Variants in CCDC47 observed in about 807,000 individuals in gnomAD.
CCDC47 encodes the protein coiled-coil domain containing 47, also known as PAT complex subunit CCDC47.
A neutral mutation model predicts 60.5 loss-of-function variants in CCDC47; 41 were observed. That is an observed-to-expected ratio of 0.68 (90% CI 0.53 to 0.88). CCDC47 has a LOEUF of 0.88. Among genes scored for constraint, CCDC47 ranks in the 40% least tolerant of loss-of-function variants. CCDC47 has a pLI of 0.00. For missense variants in CCDC47, 513 were observed against 580.9 expected, an observed-to-expected ratio of 0.88 and a Z score of 1.20; for synonymous variants, 195 against 190.7, an observed-to-expected ratio of 1.02 and a Z score of -0.18.
At chr17:63,763,022 A>G (rs1353618754) in intron 4 of CCDC47, among the ~76,000 whole-genome samples, 3 of 152,104 alleles carry the variant, frequency 2.0e-5, no homozygotes, top group African/African-American at 7.2e-5. Context: ...CCTGAGCTCA[A>G]TTCTCCCACC....
At chr17:63,747,778 C>T in intron 12 of CCDC47, 1 of 985,328 alleles carries the variant, frequency 1.0e-6, no homozygotes, top group Non-Finnish European at 1.2e-6. Context: ...ATATATAGTT[C>T]TTCATAGTGC....
chr17:63,745,348 A>G lies in CCDC47; in HGVS notation c.*1533T>C, dbSNP rs1384062406. On this transcript the variant is annotated 3_prime_UTR_variant, in exon 13 of 13. Transcript: ENST00000225726. Reference sequence around the variant, plus strand: ...CCATGGTCCAAATGTATGGGACTTTAGGAAAGCTTTTCTTACTCAAAAGAT... The same window carrying G: ...CCATGGTCCAAATGTATGGGACTTTGGGAAAGCTTTTCTTACTCAAAAGAT... 6.6e-6 allele frequency: 1 copy of G among 152,626 alleles called. No homozygotes were observed. Among genetic ancestry groups the G allele is most frequent in the Non-Finnish European group, 1.5e-5 (1 of 68,024 alleles). The allele number at this position is 152,626 out of a possible 1,614,324, so 9.5% of individuals were successfully genotyped here.
chr17:63,760,808 C>A lies in CCDC47; in HGVS notation c.735+106G>T, dbSNP rs1472444422. The stretch of plus-strand genomic sequence containing the variant: ...GAGCCAAGATCATGCCATTGCACTC[C>A]AGCCTGAGCAACAGAGTGAGACTCC... On this transcript the variant is annotated intron_variant, in intron 6 of 12. Transcript: ENST00000225726. 7 of 785,726 alleles carry A rather than the reference C, an allele frequency of 8.9e-6. No homozygotes were observed. In the African/African-American group the frequency reaches 9.1e-5, roughly 10 times the overall value. 48.7% of individuals were successfully genotyped at this position (785,726 alleles called of 1,614,324 possible). A position where few individuals can be genotyped will look rare whatever the true frequency, so the allele number is the denominator to read the frequency against.
intron 10 of CCDC47, 53 bp from the exon 11 acceptor site, chr17:63,752,482 C>G: frequency 2.4e-6 from 3 of 1,233,482 alleles, no homozygotes; most frequent in Non-Finnish European, 3.4e-6. Flanking sequence ...TTAATATTTC[C>G]AGGTCACCCA....
chr17:63,753,734 A>G (rs2039183931), intron 9 of CCDC47: 5 of 485,352 alleles, frequency 1.0e-5, no homozygotes, highest in African/African-American at 2.1e-5. Flanking sequence ...GAAGCCAGAA[A>G]AGGCCATAAA....
chr17:63,761,071 A>G (rs1294998750), intron 5 of CCDC47, 92 bp from the exon 6 acceptor site: 1 of 1,380,542 alleles, frequency 7.2e-7, no homozygotes, highest in African/African-American at 1.5e-5. Context: ...GCTTCATCAA[A>G]TATACTTTAC....
Position 63,766,310 on chromosome 17 carries a change from A to G in CCDC47, c.-19-116T>C, listed in dbSNP as rs1048607059. On this transcript the variant is annotated intron_variant, in intron 1 of 12. Transcript: ENST00000225726. Reference sequence around the variant, plus strand: ...CTTTTCTCTTATTTGGTACTATTAGATTCAGACCACATTATATAAAGAACA... The same window carrying G: ...CTTTTCTCTTATTTGGTACTATTAGGTTCAGACCACATTATATAAAGAACA... 5.2e-6 allele frequency: 5 copies of G among 958,704 alleles called. 1 individual carries two copies. Among genetic ancestry groups the G allele is most frequent in the Non-Finnish European group, 1.5e-6 (1 of 672,540 alleles). 59.4% of individuals were successfully genotyped at this position (958,704 alleles called of 1,614,324 possible). A position where few individuals can be genotyped will look rare whatever the true frequency, so the allele number is the denominator to read the frequency against.
At chr17:63,757,177 A>G (rs4968662) in intron 6 of CCDC47, among the ~76,000 whole-genome samples, 100,215 of 145,044 alleles carry the variant, frequency 0.69, 35,938 homozygotes, top group African/African-American at 0.9. Context: ...CCTAGGCAAC[A>G]TAATGGGACC....
chr17:63,760,302 T>C (rs1367401723), intron 6 of CCDC47, among the ~76,000 whole-genome samples: 1 of 152,170 alleles, frequency 6.6e-6, no homozygotes, highest in Non-Finnish European at 1.5e-5. Flanking sequence ...AAGTTACCCA[T>C]GAGGGCCATT....
At position 63,766,032 on chromosome 17, in the gene CCDC47, G is replaced by A; in HGVS notation, c.144C>T (p.Asp48=). The part of the protein sequence containing the change: ...DFAEFEDVME[D]SVTESPQRVI... Reference sequence around the variant, plus strand: ...CCCGTTGAGGAGATTCAGTAACAGAGTCTTCCATGACATCCTCAAATTCAG... The same window carrying A: ...CCCGTTGAGGAGATTCAGTAACAGAATCTTCCATGACATCCTCAAATTCAG... Residue 48 remains aspartate, a synonymous_variant, in exon 2 of 13, where the codon GAC becomes GAT. Coordinates refer to ENST00000225726, the MANE Select transcript of CCDC47 (RefSeq NM_020198.3). 1 of 1,614,012 alleles carries A rather than the reference G, an allele frequency of 6.2e-7. No individual in the cohort carries two copies. The highest frequency in any genetic ancestry group is 8.5e-7 in the Non-Finnish European group (1 of 1,179,980).
intron 4 of CCDC47, 166 bp from the exon 5 acceptor site, chr17:63,761,517 TA>T (rs11429720): frequency 0.047 from 9,089 of 191,816 alleles, no homozygotes; most frequent in Middle Eastern, 0.083. Flanking sequence ...CTGTCCCTAC[TA>T]AAAAAAAAAA....
chr17:63,770,526 G>A (rs763735867), intron 1 of CCDC47, among the ~76,000 whole-genome samples: 2 of 152,164 alleles, frequency 1.3e-5, no homozygotes, highest in African/African-American at 2.4e-5. Context: ...GAGTATTAAC[G>A]GAAGTGAGAG....
At chr17:63,762,977 A>G (rs2039271661) in intron 4 of CCDC47, among the ~76,000 whole-genome samples, 1 of 152,204 alleles carries the variant, frequency 6.6e-6, no homozygotes, top group South Asian at 2.1e-4. Flanking sequence ...GCTGGAGTGC[A>G]GGAGCATGAT....
intron 4 of CCDC47, chr17:63,761,843 T>C: frequency 1.0e-6 from 1 of 971,580 alleles, no homozygotes; most frequent in Non-Finnish European, 1.2e-6. Context: ...TTCGTTTTAC[T>C]TTTAAAACTA....
intron 6 of CCDC47, among the ~76,000 whole-genome samples, chr17:63,759,104 G>T (rs1256410966): frequency 6.6e-6 from 1 of 151,846 alleles, no homozygotes; most frequent in Non-Finnish European, 1.5e-5. Context: ...AACTGATAGG[G>T]TTCTAAATTT....
In CCDC47 at chr17:63,761,854, T is replaced by C. The variant is rs564675630; in HGVS notation, c.548-503A>G. On this transcript the variant is annotated intron_variant, in intron 4 of 12. Transcript: ENST00000225726. ...ACTGTTCGTTTTACTTTTAAAACTA[T>C]TGTCTGTATTAGAAGAAATATGGAT... is the stretch of plus-strand genomic sequence containing the variant. The C allele has an allele frequency of 8.4e-6, 8 of 953,072 alleles. No individual in the cohort carries two copies. The Admixed American group carries it at 1.8e-4, about 22-fold the overall frequency. The allele number at this position is 953,072 out of a possible 1,614,324, so 59.0% of individuals were successfully genotyped here.
chr17:63,753,904 G>A (rs1194910547), intron 9 of CCDC47, among the ~76,000 whole-genome samples: 2 of 152,062 alleles, frequency 1.3e-5, no homozygotes, highest in Non-Finnish European at 2.9e-5. Context: ...TCAGGAGTTC[G>A]AGACCAGCCT....
intron 2 of CCDC47, chr17:63,765,120 C>CCACACACACCCA (rs2039287972): frequency 6.7e-6 from 1 of 150,094 alleles, no homozygotes; most frequent in East Asian, 2.0e-4. Flanking sequence ...AGTATTCTCA[C>CCACACACACCCA]CACACACACA....
chr17:63,765,779 G>A, intron 2 of CCDC47, 133 bp downstream of exon 2: 2 of 1,351,674 alleles, frequency 1.5e-6, no homozygotes, highest in South Asian at 3.0e-5. Context: ...AGAACATTTA[G>A]AAGAGCTCTA....
Sources: gnomAD v4.1 joint callset for allele counts (sites outside exome capture counted in the v4.1 genomes callset) on GRCh38, gnomAD v4.1.1 for gene constraint, MANE v1.5 for transcripts, NCBI Gene and HGNC (gene_info 2026-07-23, HGNC 2026-07-21) for gene names.